Variants in FAM20C observed in about 807,000 individuals in gnomAD.
The protein encoded by FAM20C is extracellular serine/threonine protein kinase FAM20C.
FAM20C carries 40 observed loss-of-function variants against 51.5 expected under a neutral mutation model. The observed-to-expected ratio is 0.78, with a 90% CI of 0.60 to 1.01. FAM20C has a LOEUF of 1.01. Ranked by LOEUF, FAM20C falls within the 50% of genes least tolerant of loss-of-function variation. FAM20C has a pLI of 0.00. For synonymous variants in FAM20C, 406 were observed against 380.6 expected (o/e 1.07, Z -0.78); for missense variants, 861 against 844.7 (o/e 1.02, Z -0.24).
At position 258,164 on chromosome 7, in the gene FAM20C, G is replaced by T. The variant is rs375544771; in HGVS notation, c.1446-482G>T. ...TGACTGGGGTGCTGGAGATAGGCAG[G>T]GTGGACCCACTGCCTGAGGTGCTGG... On this transcript the variant is annotated intron_variant, in intron 8 of 9. Transcript: ENST00000313766. 1.4e-3 allele frequency among the ~76,000 whole-genome samples: 176 copies of T among 122,538 alleles called. 7 individuals carry two copies. The highest frequency in any genetic ancestry group is 8.7e-3 in the East Asian group (34 of 3,894). 80.4% of individuals were successfully genotyped at this position (122,538 alleles called of 152,430 possible). A position where few individuals can be genotyped will look rare whatever the true frequency, so the allele number is the denominator to read the frequency against.
rs181273475 is a variant in FAM20C at position 226,402 on chromosome 7, G to A, written c.863+17426G>A. ...TGTCTCCTGCATGGGCTGACTCAGAGGGGCGTGCCACAAGGCCTAGTCACC... is the reference window on the plus strand; with the variant it reads ...TGTCTCCTGCATGGGCTGACTCAGAAGGGCGTGCCACAAGGCCTAGTCACC... On this transcript the variant is annotated intron_variant, in intron 3 of 9. Transcript: ENST00000313766. 9.0e-4 allele frequency among the ~76,000 whole-genome samples: 137 copies of A among 152,306 alleles called. 1 individual carries two copies. Among genetic ancestry groups the A allele is most frequent in the Non-Finnish European group, 1.6e-3 (110 of 68,024 alleles).
chr7:210,434 G>C (rs1350318365), intron 3 of FAM20C, among the ~76,000 whole-genome samples: 1 of 152,144 alleles, frequency 6.6e-6, no homozygotes, highest in South Asian at 2.1e-4. Context: ...GGAGCCGGGG[G>C]TGGGCAGGAG....
At position 195,629 on chromosome 7, in the gene FAM20C, C is replaced by G. The variant is rs960130028; in HGVS notation, c.681C>G (p.Leu227=). 15 of 1,610,716 alleles carry G rather than the reference C, an allele frequency of 9.3e-6. No individual in the cohort carries two copies. The Admixed American group carries it at 1.8e-4, about 20-fold the overall frequency. ...CCGTGGACTCCTATCCCAACTGGCT[C>G]AAGTTCCACATTGGTATCAACCGGT... The part of the protein sequence containing the change: ...EAAVDSYPNW[L]KFHIGINRYE... The change falls in exon 2 of 10, where the codon CTC becomes CTG. Residue 227 remains leucine (L), a synonymous_variant. Transcript: ENST00000313766.
intron 3 of FAM20C, among the ~76,000 whole-genome samples, chr7:223,067 G>A (rs28644307): frequency 0.35 from 52,736 of 151,884 alleles, 9,395 homozygotes; most frequent in East Asian, 0.51. Flanking sequence ...ACTCATGCAC[G>A]TGTGTGTAGG....
At chr7:257,319 C>T in intron 8 of FAM20C, 2 of 558,804 alleles carry the variant, frequency 3.6e-6, no homozygotes, top group Non-Finnish European at 6.4e-6. Context: ...CAGACCAAGT[C>T]CCGGCAGAGC....
intron 5 of FAM20C, among the ~76,000 whole-genome samples, chr7:254,781 G>A (rs996051983): frequency 2.0e-5 from 3 of 152,194 alleles, no homozygotes; most frequent in Non-Finnish European, 4.4e-5. Context: ...AGCCCTCGAC[G>A]AGCAGCGTCC....
chr7:234,230 C>T (rs1186012235), intron 3 of FAM20C, among the ~76,000 whole-genome samples: 4 of 152,256 alleles, frequency 2.6e-5, no homozygotes, highest in Admixed American at 1.3e-4. Context: ...TCCCCCTCCT[C>T]GTGCCCTCAG....
At chr7:244,484 G>A (rs184358637) in intron 3 of FAM20C, among the ~76,000 whole-genome samples, 144 of 152,324 alleles carry the variant, frequency 9.5e-4, no homozygotes, top group African/African-American at 3.3e-3. Flanking sequence ...CTTAAAACCC[G>A]GGAGATTCCA....
At chr7:259,618 C>G (rs866818733) in intron 9 of FAM20C, 113 bp from the exon 10 acceptor site, 3 of 1,290,504 alleles carry the variant, frequency 2.3e-6, no homozygotes, top group Middle Eastern at 2.2e-4. Context: ...CCCCCTCTTT[C>G]TCTCTCTGTC....
chr7:205,295 C>T (rs995364988), intron 2 of FAM20C, among the ~76,000 whole-genome samples: 4 of 145,622 alleles, frequency 2.7e-5, no homozygotes, highest in South Asian at 2.3e-4. Flanking sequence ...ACCACGGACA[C>T]GCACCACCAC....
chr7:198,144 G>A (rs1785968682), intron 2 of FAM20C, among the ~76,000 whole-genome samples: 1 of 152,158 alleles, frequency 6.6e-6, no homozygotes, highest in African/African-American at 2.4e-5. Context: ...CTGGGGTGGG[G>A]ACCCGTCCAA....
chr7:254,068 G>A (rs760891093), intron 5 of FAM20C, among the ~76,000 whole-genome samples: 58 of 152,108 alleles, frequency 3.8e-4, no homozygotes, highest in Non-Finnish European at 6.6e-4. Context: ...GTGAGGGGGC[G>A]CGGGAAGGAG....
intron 2 of FAM20C, 105 bp from the exon 3 acceptor site, chr7:208,793 C>A: frequency 8.5e-7 from 1 of 1,176,682 alleles, no homozygotes; most frequent in Non-Finnish European, 1.2e-6. Flanking sequence ...GACCCCTGGA[C>A]CATGCCCAGA....
intron 8 of FAM20C, among the ~76,000 whole-genome samples, chr7:257,870 G>GCTGGGTGGACACACTGCCCGGGGT (rs1173680029): frequency 3.8e-5 from 3 of 79,406 alleles, no homozygotes; most frequent in East Asian, 3.2e-4. Flanking sequence ...CTGGAGATGG[G>GCTGGGTGGACACACTGCCCGGGGT]GCTGGGTGGA....
intron 3 of FAM20C, among the ~76,000 whole-genome samples, chr7:210,502 T>C (rs73251078): frequency 0.12 from 18,180 of 152,090 alleles, 1,267 homozygotes; most frequent in African/African-American, 0.19. Context: ...CTGGCAGTAA[T>C]GGGAGTGGAA....
At chr7:244,552 C>T (rs1416175165) in intron 3 of FAM20C, among the ~76,000 whole-genome samples, 2 of 152,242 alleles carry the variant, frequency 1.3e-5, no homozygotes, top group Non-Finnish European at 2.9e-5. Context: ...GGCCTCGGCT[C>T]TGCAGGGCGA....
intron 3 of FAM20C, among the ~76,000 whole-genome samples, chr7:226,541 G>A (rs1448044235): frequency 3.3e-5 from 5 of 152,160 alleles, no homozygotes; most frequent in Admixed American, 6.5e-5. Flanking sequence ...AGGTGGCCCC[G>A]TGTGCCCCCC....
At chr7:228,856 T>C (rs773117866) in intron 3 of FAM20C, 1 of 454,456 alleles carries the variant, frequency 2.2e-6, no homozygotes, top group South Asian at 1.5e-5. Context: ...CTGTAACAAC[T>C]GCATGCTGGC....
chr7:236,139 T>G (rs2115128114), intron 3 of FAM20C, among the ~76,000 whole-genome samples: 1 of 151,954 alleles, frequency 6.6e-6, no homozygotes, highest in Non-Finnish European at 1.5e-5. Context: ...TCCAAAGCCT[T>G]TTTCCCGGGG....
Sources: allele counts gnomAD v4.1 joint callset (sites outside exome capture counted in the v4.1 genomes callset), GRCh38; gene constraint gnomAD v4.1.1; transcripts MANE v1.5; gene names NCBI Gene and HGNC (gene_info 2026-07-23, HGNC 2026-07-21).